KIRREL3: variants seen among roughly 807,000 people sequenced by gnomAD.
KIRREL3 encodes kirre like nephrin family adhesion molecule 3.
In KIRREL3, 36 loss-of-function variants were observed where a neutral mutation model predicts 89.7. The ratio of observed to expected loss-of-function variants is 0.40; its 90% confidence interval spans 0.31 to 0.53. The LOEUF is 0.53. KIRREL3 is among the 20% of genes least tolerant of loss of function. The pLI is 0.49. For synonymous variants in KIRREL3, 445 were observed against 441.4 expected (o/e 1.01, Z -0.10); for missense variants, 864 against 1,056.6 (o/e 0.82, Z 2.53).
rs1457646069 is a variant in KIRREL3, at chr11:126,766,638, A to G, written c.56-203726T>C. Among the ~76,000 whole-genome samples, 1 of 151,760 alleles carries G rather than the reference A, an allele frequency of 6.6e-6. No homozygotes were observed. Among genetic ancestry groups the G allele is most frequent in the Non-Finnish European group, 1.5e-5 (1 of 67,908 alleles). On this transcript the variant is annotated intron_variant, in intron 1 of 16. Coordinates refer to ENST00000525144, the MANE Select transcript of KIRREL3 (RefSeq NM_032531.4). The surrounding 1 kb of genome is among the most constrained non-coding windows in gnomAD (Gnocchi z 4.2). ...GTATCATTCCATTACCATTTCCTCA[A>G]ATGGGGAGTGTACACACGGAAGTTC...
At chr11:126,540,445 A>G (rs1938273117) in intron 2 of KIRREL3, among the ~76,000 whole-genome samples, 1 of 152,192 alleles carries the variant, frequency 6.6e-6, no homozygotes, top group Admixed American at 6.5e-5. Context: ...CTCTCCCAGG[A>G]CACAAAATCC....
At chr11:126,660,333 G>C (rs1945338381) in intron 1 of KIRREL3, among the ~76,000 whole-genome samples, 1 of 152,172 alleles carries the variant, frequency 6.6e-6, no homozygotes, top group South Asian at 2.1e-4. Context: ...AATGCAAACT[G>C]TAATGCACAT....
At chr11:126,952,241 C>A (rs1349703875) in intron 1 of KIRREL3, among the ~76,000 whole-genome samples, 2 of 152,152 alleles carry the variant, frequency 1.3e-5, no homozygotes, top group Non-Finnish European at 2.9e-5. Flanking sequence ...CAAAAATCAG[C>A]TGGGTGTGGT....
intron 1 of KIRREL3, among the ~76,000 whole-genome samples, chr11:126,856,737 T>C (rs2134592591): frequency 6.6e-6 from 1 of 151,946 alleles, no homozygotes; most frequent in East Asian, 1.9e-4. Flanking sequence ...TGCCTCAGCC[T>C]CCTGAGTAGC....
In KIRREL3 at chr11:126,565,048, A is replaced by G. The variant is rs1305936057; in HGVS notation, c.56-2136T>C. ...AAAGGGAGTTTGGGCTCCTGGACTA[A>G]GCCCAAACTCAATCCAGGAGCTTGG... On this transcript the variant is annotated intron_variant, in intron 1 of 16. Transcript: ENST00000525144. The surrounding 1 kb of genome is among the most constrained non-coding windows in gnomAD (Gnocchi z 5.4). 6.6e-6 allele frequency among the ~76,000 whole-genome samples: 1 copy of G among 152,170 alleles called. No individual in the cohort carries two copies. The highest frequency in any genetic ancestry group is 2.4e-5 in the African/African-American group (1 of 41,438).
rs1056507149 is a variant in KIRREL3, at chr11:127,000,284, T to C, written c.55+171A>G. 6.6e-6 allele frequency among the ~76,000 whole-genome samples: 1 copy of C among 152,164 alleles called. No homozygotes were observed. The highest frequency in any genetic ancestry group is 6.5e-5 in the Admixed American group (1 of 15,288). On this transcript the variant is annotated intron_variant, in intron 1 of 16. Coordinates refer to ENST00000525144, the MANE Select transcript of KIRREL3 (RefSeq NM_032531.4). The surrounding 1 kb of genome is among the most constrained non-coding windows in gnomAD (Gnocchi z 7.1). Reference sequence around the variant, plus strand: ...CCAAAGGAAAATAAACAGTACCATTTTGTTGCATTCGCAAAGGCGAAGAGG... The same window carrying C: ...CCAAAGGAAAATAAACAGTACCATTCTGTTGCATTCGCAAAGGCGAAGAGG...
In KIRREL3 at chr11:126,983,354, C is replaced by T. The variant is rs960792763; in HGVS notation, c.55+17101G>A. On this transcript the variant is annotated intron_variant, in intron 1 of 16. Transcript: ENST00000525144. This position sits in a 1 kb window ranked among gnomAD's most constrained non-coding sequence, Gnocchi z 4.9. ...ATATTTTCTTCTGAAAGGGAGGGCTCATCTAACGTCTGCCTTTGGTTCTTG... is the reference window on the plus strand; with the variant it reads ...ATATTTTCTTCTGAAAGGGAGGGCTTATCTAACGTCTGCCTTTGGTTCTTG... Among the ~76,000 whole-genome samples, 3 of 152,184 alleles carry T rather than the reference C, an allele frequency of 2.0e-5. No homozygotes were observed. The highest frequency in any genetic ancestry group is 7.2e-5 in the African/African-American group (3 of 41,452).
chr11:126,714,715 C>A (rs143727384), intron 1 of KIRREL3, among the ~76,000 whole-genome samples: 103 of 152,260 alleles, frequency 6.8e-4, no homozygotes, highest in African/African-American at 2.4e-3. Context: ...CCTTTACTGG[C>A]GTCTTTCCTT....
In KIRREL3 at chr11:126,723,033, C is replaced by T. The variant is rs570584059; in HGVS notation, c.56-160121G>A. 1.4e-3 allele frequency among the ~76,000 whole-genome samples: 209 copies of T among 152,236 alleles called. 1 individual carries two copies. Among genetic ancestry groups the T allele is most frequent in the Non-Finnish European group, 1.7e-3 (113 of 68,002 alleles). On this transcript the variant is annotated intron_variant, in intron 1 of 16. Transcript: ENST00000525144. This position sits in a 1 kb window ranked among gnomAD's most constrained non-coding sequence, Gnocchi z 4.0. ...GGAATTGGCCTTTCTTCATCTATTC[C>T]TCTTACAGTCTTCTGTGGCTGCACA... is the stretch of plus-strand genomic sequence containing the variant.
intron 1 of KIRREL3, among the ~76,000 whole-genome samples, chr11:126,967,826 G>C (rs1037657627): frequency 1.2e-4 from 19 of 152,056 alleles, no homozygotes; most frequent in African/African-American, 4.8e-5. Context: ...GAGGGGGCTT[G>C]CTACAGGCAC....
At chr11:126,861,754 TG>T (rs1944713225) in intron 1 of KIRREL3, among the ~76,000 whole-genome samples, 1 of 152,262 alleles carries the variant, frequency 6.6e-6, no homozygotes, top group African/African-American at 2.4e-5. Flanking sequence ...TGCATTTAGC[TG>T]TTATGAATTC....
At chr11:126,923,098 T>C (rs75872211) in intron 1 of KIRREL3, among the ~76,000 whole-genome samples, 1,740 of 89,268 alleles carry the variant, frequency 0.019, 227 homozygotes, top group African/African-American at 0.078. Context: ...TTCTTCTTCT[T>C]CTTCTCCTTC....
At position 126,424,624 on chromosome 11, in the gene KIRREL3, C is replaced by T. The variant is rs1477941829; in HGVS notation, c.2293G>A (p.Asp765Asn). Reference sequence around the variant, plus strand: ...CGCCGCTGCAGGGGTCGACTGGGGTCAGAGTTCTGGGACGAGGACTGGGAG... The same window carrying T: ...CGCCGCTGCAGGGGTCGACTGGGGTTAGAGTTCTGGGACGAGGACTGGGAG... ...HHSQSSSQNS[D>N]PSRPLQRRMQ... Residue 765 changes from aspartate to asparagine, a missense_variant, in exon 17 of 17, where the codon GAC becomes AAC. Physicochemically the swap from Asp to Asn is conservative, Grantham distance 23. Transcript: ENST00000525144. 1 of 1,614,048 alleles carries T rather than the reference C, an allele frequency of 6.2e-7. No homozygotes were observed. The highest frequency in any genetic ancestry group is 8.5e-7 in the Non-Finnish European group (1 of 1,179,902).
Position 126,428,548 on chromosome 11 carries a change from G to T in KIRREL3, c.1806+631C>A, listed in dbSNP as rs554937973. Among the ~76,000 whole-genome samples the T allele has an allele frequency of 1.6e-4, 25 of 152,004 alleles. No individual in the cohort carries two copies. Among genetic ancestry groups the T allele is most frequent in the Admixed American group, 3.9e-4 (6 of 15,270 alleles). On this transcript the variant is annotated intron_variant, in intron 15 of 16. Coordinates refer to ENST00000525144, the MANE Select transcript of KIRREL3 (RefSeq NM_032531.4). The surrounding 1 kb of genome is among the most constrained non-coding windows in gnomAD (Gnocchi z 6.4). Reference sequence around the variant, plus strand: ...CTATGTGTGTGTGTGCGGGGGAGGGGAGGGGATTATATGTTATATAACAAC... The same window carrying T: ...CTATGTGTGTGTGTGCGGGGGAGGGTAGGGGATTATATGTTATATAACAAC...
At chr11:126,469,044 C>T (rs566479343) in intron 5 of KIRREL3, among the ~76,000 whole-genome samples, 4 of 152,260 alleles carry the variant, frequency 2.6e-5, no homozygotes, top group South Asian at 4.1e-4. Flanking sequence ...GTTGCAAGCT[C>T]GCTATGTGCC....
chr11:126,923,635 G>C (rs927591005), intron 1 of KIRREL3, among the ~76,000 whole-genome samples: 4 of 151,764 alleles, frequency 2.6e-5, no homozygotes, highest in African/African-American at 9.7e-5. Flanking sequence ...GTAGAGATGG[G>C]GTTTCACCAT....
chr11:126,926,695 T>G (rs988404660), intron 1 of KIRREL3, among the ~76,000 whole-genome samples: 3 of 152,172 alleles, frequency 2.0e-5, no homozygotes, highest in African/African-American at 4.8e-5. Flanking sequence ...CTATGAGCAT[T>G]TCCCCCCTGC....
chr11:126,535,188 C>T lies in KIRREL3; in HGVS notation c.134-8501G>A, dbSNP rs925100079. On this transcript the variant is annotated intron_variant, in intron 2 of 16. Coordinates refer to ENST00000525144, the MANE Select transcript of KIRREL3 (RefSeq NM_032531.4). The surrounding 1 kb of genome is among the most constrained non-coding windows in gnomAD (Gnocchi z 4.5). ...GTTTCCCCACCCTCCTCCATCGGGA[C>T]TCCTCCTGACTGCTCTTCCCAAAAG... Among the ~76,000 whole-genome samples, 2 of 152,102 alleles carry T rather than the reference C, an allele frequency of 1.3e-5. No individual in the cohort carries two copies. The highest frequency in any genetic ancestry group is 2.9e-5 in the Non-Finnish European group (2 of 68,020).
rs1328944059 is a variant in KIRREL3, at chr11:126,651,323, A to G, written c.56-88411T>C. On this transcript the variant is annotated intron_variant, in intron 1 of 16. Transcript: ENST00000525144. The surrounding 1 kb of genome is among the most constrained non-coding windows in gnomAD (Gnocchi z 4.6). Reference sequence around the variant, plus strand: ...TTATTCCAACTGGGAATCCCTCTCCATCTTCCCCAAATCTCACAAATTCCA... The same window carrying G: ...TTATTCCAACTGGGAATCCCTCTCCGTCTTCCCCAAATCTCACAAATTCCA... 6.6e-6 allele frequency among the ~76,000 whole-genome samples: 1 copy of G among 152,184 alleles called. No homozygotes were observed. The highest frequency in any genetic ancestry group is 1.5e-5 in the Non-Finnish European group (1 of 68,036).
Sources: gnomAD v4.1 joint callset for allele counts (sites outside exome capture counted in the v4.1 genomes callset) on GRCh38, gnomAD v4.1.1 for gene constraint, Gnocchi (gnomAD v3.1) non-coding constraint, MANE v1.5 for transcripts, NCBI Gene and HGNC (gene_info 2026-07-23, HGNC 2026-07-21) for gene names.